The following FGF23 variants were observed in gnomAD, a reference collection of about 807,000 sequenced individuals.
The protein encoded by FGF23 is fibroblast growth factor 23, also known as phosphatonin.
In FGF23, 8 loss-of-function variants were observed where a neutral mutation model predicts 9.0. That is an observed-to-expected ratio of 0.89 (90% CI 0.52 to 1.60). FGF23 has a LOEUF of 1.60. FGF23 is among the 40% of genes most tolerant of loss of function. FGF23 has a pLI of 0.00. For synonymous variants in FGF23, 118 were observed against 146.2 expected, an observed-to-expected ratio of 0.81 and a Z score of 1.39; for missense variants, 311 against 344.3, an observed-to-expected ratio of 0.90 and a Z score of 0.77.
chr12:4,375,988 A>G (rs1865112225), intron 1 of FGF23, among the ~76,000 whole-genome samples: 1 of 152,240 alleles, frequency 6.6e-6, no homozygotes, highest in Non-Finnish European at 1.5e-5. Flanking sequence ...AGAAAAACGT[A>G]TGAAAAAGGC....
chr12:4,376,724 G>A (rs2120741335), intron 1 of FGF23, among the ~76,000 whole-genome samples: 1 of 152,186 alleles, frequency 6.6e-6, no homozygotes, highest in Admixed American at 6.5e-5. Flanking sequence ...TCCCCATGTT[G>A]GCCAGACTGG....
At chr12:4,378,769 G>C (rs866365742) in intron 1 of FGF23, among the ~76,000 whole-genome samples, 2 of 113,550 alleles carry the variant, frequency 1.8e-5, no homozygotes, top group Admixed American at 1.8e-4. Context: ...TGGATGGATG[G>C]ATGGATGCAT....
chr12:4,378,602 A>G (rs927410405), intron 1 of FGF23, among the ~76,000 whole-genome samples: 3 of 152,226 alleles, frequency 2.0e-5, no homozygotes, highest in African/African-American at 7.2e-5. Context: ...CATGTTGCCA[A>G]TAAGTTTCTA....
At chr12:4,372,031 A>G (rs1358283958) in intron 2 of FGF23, among the ~76,000 whole-genome samples, 1 of 151,732 alleles carries the variant, frequency 6.6e-6, no homozygotes, top group Admixed American at 6.6e-5. Context: ...TTGTAGGGAC[A>G]TGGATGAAAT....
rs549208698 is a variant in FGF23, at chr12:4,379,393, C to T, written c.190G>A (p.Ala64Thr). The T allele has an allele frequency of 7.9e-5, 127 of 1,612,096 alleles. No homozygotes were observed. The highest frequency in any genetic ancestry group is 9.7e-5 in the Non-Finnish European group (115 of 1,179,682). ...TCACTGTAGATGGTCTGATGGGGTG[C>T]GCCATCCACATGGCCATTCTTGTGG... is the stretch of plus-strand genomic sequence containing the variant. ...QIHKNGHVDGAPHQTIYSALM... is the reference protein window; with the variant it reads ...QIHKNGHVDGTPHQTIYSALM... The change falls in exon 1 of 3, where the codon GCA becomes ACA. Residue 64 changes from alanine to threonine, a missense_variant. By Grantham distance (58) the Ala-to-Thr change is moderately conservative. This residue lies in a region of FGF23 where 102 missense variants were observed against 108.2 expected (regional missense o/e 0.94). Transcript: ENST00000237837.
intron 1 of FGF23, among the ~76,000 whole-genome samples, chr12:4,375,215 A>G (rs1453571152): frequency 6.6e-6 from 1 of 152,178 alleles, no homozygotes; most frequent in African/African-American, 2.4e-5. Context: ...CAAACAGAGG[A>G]CATCACGTGG....
Position 4,370,473 on chromosome 12 carries a change from T to G in FGF23, c.626A>C (p.Glu209Ala), listed in dbSNP as rs950401479. The change falls in exon 3 of 3, where the codon GAG (glutamate) becomes GCG (alanine). Residue 209 changes from glutamate (E) to alanine (A), a missense_variant. By Grantham distance (107) the Glu-to-Ala change is moderately radical (BLOSUM62 -1). Around this residue, in one of 3 missense-constraint regions of FGF23, gnomAD observed 206 missense variants for 219.2 expected, o/e 0.94. Transcript: ENST00000237837. ...GCTGTTGTCCTCGGCGCTCGGGAGC[T>G]CCTGTGAACAGGAGGCCGGGGCCGG... ...MTPAPASCSQ[E>A]LPSAEDNSPM... The G allele has an allele frequency of 2.0e-5, 33 of 1,612,314 alleles. No individual in the cohort carries two copies. Among genetic ancestry groups the G allele is most frequent in the Non-Finnish European group, 2.8e-5 (33 of 1,179,052 alleles).
At chr12:4,373,674 G>A (rs1321692393) in intron 1 of FGF23, among the ~76,000 whole-genome samples, 1 of 152,182 alleles carries the variant, frequency 6.6e-6, no homozygotes, top group Non-Finnish European at 1.5e-5. Context: ...TTAAATTACT[G>A]TTTTGTGGCA....
rs1865045868 is a variant in FGF23, at chr12:4,370,233, C to T, written c.*110G>A. The T allele has an allele frequency of 4.4e-6, 5 of 1,141,082 alleles. No individual in the cohort carries two copies. In the Admixed American group the frequency reaches 5.3e-5, roughly 12 times the overall value. 70.7% of individuals were successfully genotyped at this position (1,141,082 alleles called of 1,614,324 possible). A position where few individuals can be genotyped will look rare whatever the true frequency, so the allele number is the denominator to read the frequency against. On this transcript the variant is annotated 3_prime_UTR_variant, in exon 3 of 3. Transcript: ENST00000237837. ...GGGACCCCAGAGAAGCAGCAAATTC[C>T]ATACATGCCCCTGTCACCTTTCCCA...
rs192217073 is a variant in FGF23, at chr12:4,373,451, G to A, written c.212-754C>T. On this transcript the variant is annotated intron_variant, in intron 1 of 2. Transcript: ENST00000237837. ...TAGAGTGAGCTGCTTAGGAGCAGAG[G>A]GTATAACTGTTTATGTTGAATCAAT... Among the ~76,000 whole-genome samples, 44 of 152,244 alleles carry A rather than the reference G, an allele frequency of 2.9e-4. No homozygotes were observed. In the Middle Eastern group the frequency reaches 0.01, roughly 35 times the overall value.
rs1030339194 is a variant in FGF23 at position 4,368,841 on chromosome 12, T to C, written c.*1502A>G. On this transcript the variant is annotated 3_prime_UTR_variant, in exon 3 of 3. Transcript: ENST00000237837. ...TCAGAATAGGAACCAGTCCTTCAAGTTCAGCTTAAAACCATCAGGTAAAAA... is the reference window on the plus strand; with the variant it reads ...TCAGAATAGGAACCAGTCCTTCAAGCTCAGCTTAAAACCATCAGGTAAAAA... 9.3e-6 allele frequency: 2 copies of C among 216,188 alleles called. No individual in the cohort carries two copies. The highest frequency in any genetic ancestry group is 4.5e-5 in the African/African-American group (2 of 44,390). 13.4% of individuals were successfully genotyped at this position (216,188 alleles called of 1,614,324 possible).
At chr12:4,378,180 G>T (rs1342401018) in intron 1 of FGF23, among the ~76,000 whole-genome samples, 2 of 152,168 alleles carry the variant, frequency 1.3e-5, no homozygotes, top group African/African-American at 2.4e-5. Context: ...AATTTTGCAT[G>T]TTGTATATCT....
chr12:4,374,227 C>A (rs1865093699), intron 1 of FGF23, among the ~76,000 whole-genome samples: 1 of 152,108 alleles, frequency 6.6e-6, no homozygotes, highest in African/African-American at 2.4e-5. Flanking sequence ...GGAAAGCTTC[C>A]CAGAAAGTGG....
Position 4,379,605 on chromosome 12 carries a change from G to T in FGF23, c.-23C>A, listed in dbSNP as rs769953313. 1.3e-6 allele frequency: 2 copies of T among 1,565,568 alleles called. No individual in the cohort carries two copies. The highest frequency in any genetic ancestry group is 8.6e-7 in the Non-Finnish European group (1 of 1,157,992). ...CATCGTGCCCTGCTCTGAGTGGCTG[G>T]TGCTGAGATTGAAACCTGACACTCC... is the stretch of plus-strand genomic sequence containing the variant. On this transcript the variant is annotated 5_prime_UTR_variant, in exon 1 of 3. Transcript: ENST00000237837.
In FGF23 at chr12:4,369,826, A is replaced by C. The variant is rs368208055; in HGVS notation, c.*517T>G. On this transcript the variant is annotated 3_prime_UTR_variant, in exon 3 of 3. Coordinates refer to ENST00000237837, the MANE Select transcript of FGF23 (RefSeq NM_020638.3). The stretch of plus-strand genomic sequence containing the variant: ...GTGTTTTCATCAACTTGCCCCATTC[A>C]GCTGTTAATGTCAAGGTTTGCACAC... 1 of 231,568 alleles carries C rather than the reference A, an allele frequency of 4.3e-6. No homozygotes were observed. The highest frequency in any genetic ancestry group is 8.5e-6 in the Non-Finnish European group (1 of 117,180). The allele number at this position is 231,568 out of a possible 1,614,324, so 14.3% of individuals were successfully genotyped here. A position where few individuals can be genotyped will look rare whatever the true frequency, so the allele number is the denominator to read the frequency against.
At chr12:4,376,955 C>T (rs1865122789) in intron 1 of FGF23, among the ~76,000 whole-genome samples, 1 of 152,154 alleles carries the variant, frequency 6.6e-6, no homozygotes, top group African/African-American at 2.4e-5. Flanking sequence ...CTCCCACTAC[C>T]CTGACCCGAA....
Position 4,368,393 on chromosome 12 carries a change from T to C in FGF23, c.*1950A>G. ...CCTAATGTTCCCCTCCCATAATCCT[T>C]TTTATTCTTATATTCCGACATGCTT... On this transcript the variant is annotated 3_prime_UTR_variant, in exon 3 of 3. Coordinates refer to ENST00000237837, the MANE Select transcript of FGF23 (RefSeq NM_020638.3). 5.5e-6 allele frequency: 1 copy of C among 181,516 alleles called. No homozygotes were observed. Among genetic ancestry groups the C allele is most frequent in the East Asian group, 9.1e-5 (1 of 11,006 alleles). The allele number at this position is 181,516 out of a possible 1,614,324, so 11.2% of individuals were successfully genotyped here.
chr12:4,374,492 CA>C (rs543514926), intron 1 of FGF23, among the ~76,000 whole-genome samples: 2 of 151,478 alleles, frequency 1.3e-5, no homozygotes, highest in African/African-American at 2.4e-5. Context: ...TACTAAAATA[CA>C]AAAAAAATTA....
chr12:4,371,180 T>C (rs1254127647), intron 2 of FGF23, among the ~76,000 whole-genome samples: 1 of 152,112 alleles, frequency 6.6e-6, no homozygotes, highest in Admixed American at 6.5e-5. Flanking sequence ...GGGTCAAACA[T>C]GAATGAGAGC....
Sources: allele counts gnomAD v4.1 joint callset (sites outside exome capture counted in the v4.1 genomes callset), GRCh38; gene constraint gnomAD v4.1.1; regional missense constraint gnomAD v4.1.1; transcripts MANE v1.5; gene names NCBI Gene and HGNC (gene_info 2026-07-23, HGNC 2026-07-21).